Variants in LRRFIP1 observed in about 807,000 individuals in gnomAD.
LRRFIP1 encodes leucine-rich repeat flightless-interacting protein 1.
In LRRFIP1, 62 loss-of-function variants were observed where a neutral mutation model predicts 104.4. The observed-to-expected ratio is 0.59, with a 90% CI of 0.48 to 0.73. The LOEUF (loss-of-function observed/expected upper bound fraction) is 0.73, where lower values mean the gene tolerates loss of function less well. Ranked by LOEUF, LRRFIP1 falls within the 30% of genes least tolerant of loss-of-function variation. The pLI is 0.00. For synonymous variants in LRRFIP1, 300 were observed against 299.0 expected, an observed-to-expected ratio of 1.00 and a Z score of -0.03; for missense variants, 796 against 824.5, an observed-to-expected ratio of 0.97 and a Z score of 0.42.
chr2:237,717,154 G>A lies in LRRFIP1; in HGVS notation c.202-608G>A, dbSNP rs2094367231. ...TGTCACCTCCAGACATACATAACTT[G>A]TGGGTCTGCATATTTTTCTTCTGTA... On this transcript the variant is annotated intron_variant, in intron 3 of 23. Coordinates refer to ENST00000308482, the MANE Select transcript of LRRFIP1 (RefSeq NM_001137550.2). This position sits in a 1 kb window ranked among gnomAD's most constrained non-coding sequence, Gnocchi z 4.2. 6.6e-6 allele frequency among the ~76,000 whole-genome samples: 1 copy of A among 152,104 alleles called. No individual in the cohort carries two copies. The highest frequency in any genetic ancestry group is 1.5e-5 in the Non-Finnish European group (1 of 68,024).
intron 19 of LRRFIP1, chr2:237,762,552 A>AAT: frequency 7.1e-7 from 1 of 1,413,846 alleles, no homozygotes; most frequent in East Asian, 2.4e-5. Flanking sequence ...AATGTAGATT[A>AAT]TGTGGCCGCC....
Position 237,711,581 on chromosome 2 carries a change from C to T in LRRFIP1, c.184-2678C>T, listed in dbSNP as rs1308001009. On this transcript the variant is annotated intron_variant, in intron 2 of 23. Transcript: ENST00000308482. This position sits in a 1 kb window ranked among gnomAD's most constrained non-coding sequence, Gnocchi z 4.4. ...ATGCCTGCACTTCTTCCCTCACGACCGTGGCTTGCGGCTGTGACACAGGGC... is the reference window on the plus strand; with the variant it reads ...ATGCCTGCACTTCTTCCCTCACGACTGTGGCTTGCGGCTGTGACACAGGGC... Among the ~76,000 whole-genome samples the T allele has an allele frequency of 6.6e-6, 1 of 152,216 alleles. No homozygotes were observed. The highest frequency in any genetic ancestry group is 2.1e-4 in the South Asian group (1 of 4,830).
At chr2:237,700,208 A>G (rs535830460) in intron 1 of LRRFIP1, among the ~76,000 whole-genome samples, 1 of 152,274 alleles carries the variant, frequency 6.6e-6, no homozygotes, top group Admixed American at 6.5e-5. Context: ...GGCTGTGGCT[A>G]CTTCCTATAG....
chr2:237,682,032 T>A (rs2091901539), intron 1 of LRRFIP1, among the ~76,000 whole-genome samples: 1 of 152,090 alleles, frequency 6.6e-6, no homozygotes, highest in South Asian at 2.1e-4. Flanking sequence ...AGTGCTGGGC[T>A]CGAAGACGGA....
chr2:237,702,915 A>C (rs2093615466), intron 1 of LRRFIP1, among the ~76,000 whole-genome samples: 1 of 152,204 alleles, frequency 6.6e-6, no homozygotes, highest in Non-Finnish European at 1.5e-5. Context: ...GGTTATTTGA[A>C]GACAAGTCAG....
intron 1 of LRRFIP1, among the ~76,000 whole-genome samples, chr2:237,629,349 G>T (rs1460075557): frequency 6.6e-6 from 1 of 152,252 alleles, no homozygotes; most frequent in South Asian, 2.1e-4. Context: ...TCCCTGCAAG[G>T]GCCAGAGGTG....
chr2:237,768,081 G>A (rs905508481), intron 19 of LRRFIP1: 1 of 152,188 alleles, frequency 6.6e-6, no homozygotes, highest in African/African-American at 2.4e-5. Context: ...AAGTCTACCG[G>A]TGATGTGCCA....
intron 1 of LRRFIP1, among the ~76,000 whole-genome samples, chr2:237,662,833 A>C (rs2088291176): frequency 6.6e-6 from 1 of 152,190 alleles, no homozygotes; most frequent in African/African-American, 2.4e-5. Flanking sequence ...AGCAGTCTTC[A>C]ATCAGACACG....
intron 1 of LRRFIP1, among the ~76,000 whole-genome samples, chr2:237,700,178 C>T (rs1053319886): frequency 6.6e-6 from 1 of 152,154 alleles, no homozygotes; most frequent in Admixed American, 6.5e-5. Context: ...GGGGGGTTTG[C>T]AGAGAAAACA....
At chr2:237,699,160 A>G (rs759912889) in intron 1 of LRRFIP1, among the ~76,000 whole-genome samples, 10 of 152,168 alleles carry the variant, frequency 6.6e-5, no homozygotes, top group Non-Finnish European at 1.2e-4. Flanking sequence ...ACATTCTACA[A>G]AGTTGACTAA....
rs151242815 is a variant in LRRFIP1, at chr2:237,700,113, G to A, written c.97-8431G>A. Among the ~76,000 whole-genome samples the A allele has an allele frequency of 4.1e-3, 628 of 152,260 alleles. 2 individuals carry two copies. The highest frequency in any genetic ancestry group is 0.014 in the African/African-American group (595 of 41,530). ...ACGTCTGTGCAGGAGAACATCACCC[G>A]GCCCACTTGGTTGCTGTGAATAGCA... On this transcript the variant is annotated intron_variant, in intron 1 of 23. Transcript: ENST00000308482.
At chr2:237,699,307 T>C (rs2093370196) in intron 1 of LRRFIP1, among the ~76,000 whole-genome samples, 1 of 152,224 alleles carries the variant, frequency 6.6e-6, no homozygotes, top group South Asian at 2.1e-4. Context: ...TTGCAATCAG[T>C]TTGTAAATCC....
chr2:237,676,537 G>A (rs969221252), intron 1 of LRRFIP1, among the ~76,000 whole-genome samples: 15 of 152,098 alleles, frequency 9.9e-5, no homozygotes, highest in African/African-American at 3.1e-4. Context: ...ACAGAGACTC[G>A]CTCTGTCACA....
rs143725016 is a variant in LRRFIP1, at chr2:237,708,545, C to T, written c.98C>T (p.Ala33Val). 10 of 1,569,072 alleles carry T rather than the reference C, an allele frequency of 6.4e-6. No individual in the cohort carries two copies. The highest frequency in any genetic ancestry group is 4.3e-6 in the Non-Finnish European group (5 of 1,154,470). ...DDALNQIARE[A>V]EARLAAKRAA... Reference sequence around the variant, plus strand: ...AATAAGATGCCCTGTCCGTTTCAGGCGGAAGCCCGGCTCGCTGCAAAACGG... The same window carrying T: ...AATAAGATGCCCTGTCCGTTTCAGGTGGAAGCCCGGCTCGCTGCAAAACGG... The change falls in exon 2 of 24, where the codon GCG becomes GTG. Residue 33 changes from alanine (A) to valine (V), a missense_variant and splice_region_variant. Transcript: ENST00000308482.
intron 1 of LRRFIP1, among the ~76,000 whole-genome samples, chr2:237,631,303 G>A (rs1020999809): frequency 3.3e-5 from 5 of 152,202 alleles, no homozygotes; most frequent in African/African-American, 1.2e-4. Context: ...GAGCTAGGCT[G>A]CCCTGTGCAG....
intron 1 of LRRFIP1, chr2:237,692,306 C>T: frequency 8.2e-7 from 1 of 1,212,872 alleles, no homozygotes; most frequent in Non-Finnish European, 1.0e-6. Flanking sequence ...GGCGGGCTGG[C>T]TCCTGGCCCC....
At chr2:237,674,824 T>C (rs936197352) in intron 1 of LRRFIP1, among the ~76,000 whole-genome samples, 1 of 152,234 alleles carries the variant, frequency 6.6e-6, no homozygotes, top group Non-Finnish European at 1.5e-5. Context: ...GGGGAAATGG[T>C]TTCATGCATC....
chr2:237,739,836 T>C (rs2095360561), intron 11 of LRRFIP1, among the ~76,000 whole-genome samples: 1 of 152,184 alleles, frequency 6.6e-6, no homozygotes, highest in South Asian at 2.1e-4. Context: ...GTCTCATTAT[T>C]GTGTGTTTTC....
At position 237,752,638 on chromosome 2, in the gene LRRFIP1, T is replaced by C. The variant is rs529005070; in HGVS notation, c.868-671T>C. ...TTTTGGAATCGCCTTCCCCTCCTCATGTTTGGGGACCTGCAAGGGTGTGAG... is the reference window on the plus strand; with the variant it reads ...TTTTGGAATCGCCTTCCCCTCCTCACGTTTGGGGACCTGCAAGGGTGTGAG... On this transcript the variant is annotated intron_variant, in intron 14 of 23. Transcript: ENST00000308482. 2.0e-5 allele frequency among the ~76,000 whole-genome samples: 3 copies of C among 152,260 alleles called. No individual in the cohort carries two copies. The South Asian group carries it at 6.2e-4, about 32-fold the overall frequency.
Sources: gnomAD v4.1 joint callset for allele counts (sites outside exome capture counted in the v4.1 genomes callset) on GRCh38, gnomAD v4.1.1 for gene constraint, Gnocchi (gnomAD v3.1) non-coding constraint, MANE v1.5 for transcripts, NCBI Gene and HGNC (gene_info 2026-07-23, HGNC 2026-07-21) for gene names.